SDK1: variants seen among roughly 807,000 people sequenced by gnomAD.
SDK1 encodes the protein sidekick cell adhesion molecule 1, also known as protein sidekick-1.
Under a neutral mutation model 245.5 loss-of-function variants are expected in SDK1, and 157 were observed. That is an observed-to-expected ratio of 0.64 (90% CI 0.56 to 0.73). The LOEUF (loss-of-function observed/expected upper bound fraction) is 0.73, where lower values mean the gene tolerates loss of function less well. Among genes scored for constraint, SDK1 ranks in the 30% least tolerant of loss-of-function variants. SDK1 has a pLI of 0.00. For missense variants in SDK1, 3,583 were observed against 3,002.3 expected (o/e 1.19, Z -4.52); for synonymous variants, 1,647 against 1,278.5 (o/e 1.29, Z -6.15).
intron 1 of SDK1, among the ~76,000 whole-genome samples, chr7:3,501,470 A>C (rs554356554): frequency 1.3e-5 from 2 of 151,998 alleles, no homozygotes; most frequent in Admixed American, 6.5e-5. Context: ...AAATGCTTTA[A>C]TGTGTGGAAT....
chr7:4,087,290 T>C (rs966441697), intron 22 of SDK1, among the ~76,000 whole-genome samples: 1 of 152,208 alleles, frequency 6.6e-6, no homozygotes, highest in African/African-American at 2.4e-5. Flanking sequence ...CCATTTTTTT[T>C]CCTGATTTGT....
intron 1 of SDK1, 71 bp from the exon 2 acceptor site, chr7:3,619,009 T>G: frequency 8.2e-7 from 1 of 1,214,844 alleles, no homozygotes; most frequent in Non-Finnish European, 1.1e-6. Context: ...AATAATAGAT[T>G]TATTAAATTA....
chr7:3,407,608 T>C (rs1779087439), intron 1 of SDK1, among the ~76,000 whole-genome samples: 1 of 152,166 alleles, frequency 6.6e-6, no homozygotes, highest in Non-Finnish European at 1.5e-5. Context: ...ATTAGACGTA[T>C]TTTTAGGAAA....
chr7:3,645,225 C>T (rs925869484), intron 4 of SDK1, among the ~76,000 whole-genome samples: 9 of 152,154 alleles, frequency 5.9e-5, no homozygotes, highest in Admixed American at 5.2e-4. Flanking sequence ...GCTAGAAGGG[C>T]TTTAACTTGG....
intron 1 of SDK1, among the ~76,000 whole-genome samples, chr7:3,336,474 A>G (rs1463732399): frequency 6.6e-6 from 1 of 152,158 alleles, no homozygotes; most frequent in African/African-American, 2.4e-5. Context: ...AGGTGGTGCT[A>G]GCAGGGGGCT....
chr7:3,988,749 G>A (rs558602865), intron 14 of SDK1, among the ~76,000 whole-genome samples: 9 of 152,206 alleles, frequency 5.9e-5, no homozygotes, highest in Admixed American at 5.2e-4. Flanking sequence ...TCTCCAGCAC[G>A]CCAGCCCGAT....
intron 1 of SDK1, among the ~76,000 whole-genome samples, chr7:3,330,823 A>AC (rs1368122705): frequency 2.6e-5 from 4 of 151,024 alleles, no homozygotes; most frequent in East Asian, 2.0e-4. Flanking sequence ...AAAAAAAAAA[A>AC]AAAAACCAGG....
intron 1 of SDK1, among the ~76,000 whole-genome samples, chr7:3,325,113 CT>C (rs750169876): frequency 6.0e-4 from 87 of 145,768 alleles, no homozygotes; most frequent in Admixed American, 6.8e-4. Flanking sequence ...TACCAAACCA[CT>C]TTTTTTTTTT....
chr7:4,041,913 G>T (rs59763818), intron 17 of SDK1, among the ~76,000 whole-genome samples: 2 of 133,480 alleles, frequency 1.5e-5, no homozygotes, highest in Non-Finnish European at 3.1e-5. Context: ...TCCCAGGTTC[G>T]AGCAATACTC....
intron 1 of SDK1, among the ~76,000 whole-genome samples, chr7:3,321,442 G>C (rs1038935944): frequency 1.4e-4 from 22 of 152,174 alleles, no homozygotes; most frequent in Non-Finnish European, 2.8e-4. Context: ...ATGTGAATTG[G>C]TGAGAATATG....
chr7:3,610,164 A>C lies in SDK1; in HGVS notation c.299-8916A>C, dbSNP rs113951664. Among the ~76,000 whole-genome samples, 535 of 152,366 alleles carry C rather than the reference A, an allele frequency of 3.5e-3. 2 individuals carry two copies. The highest frequency in any genetic ancestry group is 0.012 in the African/African-American group (496 of 41,590). On this transcript the variant is annotated intron_variant, in intron 1 of 44. Transcript: ENST00000404826. The stretch of plus-strand genomic sequence containing the variant: ...AGTTATTTTCTCATGTAATTTCTTG[A>C]TATAAAATTAAACCTTCACCATGTG...
intron 1 of SDK1, among the ~76,000 whole-genome samples, chr7:3,324,364 C>A (rs1162291256): frequency 1.3e-5 from 2 of 152,088 alleles, no homozygotes; most frequent in African/African-American, 4.8e-5. Flanking sequence ...TTTACTAGTA[C>A]CCTAGAAGCC....
chr7:3,406,447 G>T (rs1225937890), intron 1 of SDK1, among the ~76,000 whole-genome samples: 1 of 152,108 alleles, frequency 6.6e-6, no homozygotes, highest in Non-Finnish European at 1.5e-5. Context: ...CCAATGGACT[G>T]GCTTGGCATA....
At chr7:3,491,674 T>G (rs904211877) in intron 1 of SDK1, among the ~76,000 whole-genome samples, 1 of 152,226 alleles carries the variant, frequency 6.6e-6, no homozygotes, top group African/African-American at 2.4e-5. Flanking sequence ...AGTACACACA[T>G]TCTCAGTTGA....
chr7:3,890,675 C>T (rs1006449998), intron 5 of SDK1, among the ~76,000 whole-genome samples: 5 of 151,626 alleles, frequency 3.3e-5, no homozygotes, highest in African/African-American at 7.3e-5. Flanking sequence ...GGTGTGGTAG[C>T]TCGTGCCTGT....
intron 19 of SDK1, among the ~76,000 whole-genome samples, chr7:4,053,218 C>T (rs190746739): frequency 1.1e-4 from 16 of 152,230 alleles, no homozygotes; most frequent in African/African-American, 3.6e-4. Flanking sequence ...CCGTCGCCAG[C>T]TCCACCCCGT....
At chr7:3,891,177 A>C (rs934618090) in intron 5 of SDK1, among the ~76,000 whole-genome samples, 1 of 152,208 alleles carries the variant, frequency 6.6e-6, no homozygotes, top group Non-Finnish European at 1.5e-5. Context: ...GGGAGGCCCC[A>C]CAGTCCACAG....
intron 16 of SDK1, among the ~76,000 whole-genome samples, chr7:4,014,539 A>G (rs897978369): frequency 9.2e-5 from 14 of 152,346 alleles, no homozygotes; most frequent in Non-Finnish European, 1.9e-4. Flanking sequence ...TGTATCCTCC[A>G]GGGCACAGTC....
chr7:3,769,067 C>G (rs1780334501), intron 4 of SDK1, among the ~76,000 whole-genome samples: 1 of 152,078 alleles, frequency 6.6e-6, no homozygotes, highest in East Asian at 1.9e-4. Flanking sequence ...TACAGTAGAG[C>G]TTTTTAAATA....
Sources: allele counts gnomAD v4.1 joint callset (sites outside exome capture counted in the v4.1 genomes callset), GRCh38; gene constraint gnomAD v4.1.1; transcripts MANE v1.5; gene names NCBI Gene and HGNC (gene_info 2026-07-23, HGNC 2026-07-21).